SNCAIP: variants seen among roughly 807,000 people sequenced by gnomAD.
SNCAIP encodes the protein synphilin-1.
In SNCAIP, 43 loss-of-function variants were observed where a neutral mutation model predicts 86.7. The ratio of observed to expected loss-of-function variants is 0.50; its 90% CI spans 0.39 to 0.64. SNCAIP has a LOEUF of 0.64. Among genes scored for constraint, SNCAIP ranks in the 30% least tolerant of loss-of-function variants. SNCAIP has a pLI of 0.00. For synonymous variants in SNCAIP, 417 were observed against 427.2 expected, an observed-to-expected ratio of 0.98 and a Z score of 0.29; for missense variants, 981 against 1,103.1, an observed-to-expected ratio of 0.89 and a Z score of 1.57.
chr5:122,329,285 G>A (rs1478613504), intron 1 of SNCAIP, among the ~76,000 whole-genome samples: 3 of 147,256 alleles, frequency 2.0e-5, no homozygotes, highest in African/African-American at 2.5e-5. Context: ...AAAAAGATTT[G>A]AGTACAAGAT....
rs773311329 is a variant in SNCAIP at position 122,422,970 on chromosome 5, G to A, written c.233G>A (p.Arg78Gln). ...TACAGTAAGTTCCGCCCAGTGAAGC[G>A]GGTTTCGCCACTGAAACATCAGCCA... is the stretch of plus-strand genomic sequence containing the variant. ...DVYSKFRPVK[R>Q]VSPLKHQPET... The change falls in exon 4 of 11, where the codon CGG becomes CAG. Residue 78 changes from arginine (R) to glutamine (Q), a missense_variant. Transcript: ENST00000261368. The A allele has an allele frequency of 3.1e-6, 5 of 1,614,046 alleles. No homozygotes were observed. The Admixed American group carries it at 5.0e-5, about 16-fold the overall frequency.
intron 1 of SNCAIP, among the ~76,000 whole-genome samples, chr5:122,354,273 T>C (rs560281352): frequency 2.0e-5 from 3 of 152,348 alleles, no homozygotes; most frequent in Admixed American, 6.5e-5. Context: ...TTCCTACTTC[T>C]ACTTGTTGCA....
At chr5:122,377,652 T>G (rs1389187588) in intron 1 of SNCAIP, among the ~76,000 whole-genome samples, 1 of 151,312 alleles carries the variant, frequency 6.6e-6, no homozygotes, top group African/African-American at 2.4e-5. Flanking sequence ...ACTCGTCATC[T>G]AGCATTATGT....
At chr5:122,380,246 A>G in intron 1 of SNCAIP, among the ~76,000 whole-genome samples, 1 of 152,092 alleles carries the variant, frequency 6.6e-6, no homozygotes, top group Non-Finnish European at 1.5e-5. Flanking sequence ...CAGAGATTCA[A>G]CTTCTTCCTG....
chr5:122,375,001 A>G (rs1330211385), intron 1 of SNCAIP, among the ~76,000 whole-genome samples: 1 of 152,044 alleles, frequency 6.6e-6, no homozygotes, highest in African/African-American at 2.4e-5. Flanking sequence ...CATCATCTCT[A>G]CCCTAAGTGT....
At chr5:122,397,082 A>T (rs1268429830) in intron 2 of SNCAIP, among the ~76,000 whole-genome samples, 2 of 152,126 alleles carry the variant, frequency 1.3e-5, no homozygotes, top group Admixed American at 6.5e-5. Flanking sequence ...CACCTTAATG[A>T]AGGTACAGTC....
intron 10 of SNCAIP, among the ~76,000 whole-genome samples, chr5:122,454,148 A>T (rs1181925123): frequency 6.6e-6 from 1 of 152,324 alleles, no homozygotes; most frequent in Middle Eastern, 3.4e-3. Flanking sequence ...CAAAGCATGC[A>T]TGTGGGTAGG....
intron 1 of SNCAIP, among the ~76,000 whole-genome samples, chr5:122,358,862 A>G (rs184434679): frequency 2.6e-5 from 4 of 152,292 alleles, no homozygotes; most frequent in African/African-American, 7.2e-5. Context: ...ACCCTTATAA[A>G]TTGTTGCTAT....
At chr5:122,385,034 T>A (rs1360753813) in intron 1 of SNCAIP, among the ~76,000 whole-genome samples, 3 of 152,216 alleles carry the variant, frequency 2.0e-5, no homozygotes, top group African/African-American at 7.2e-5. Context: ...CTTCCTCCTG[T>A]CCCAACCACT....
chr5:122,382,468 C>G (rs1481236035), intron 1 of SNCAIP, among the ~76,000 whole-genome samples: 1 of 152,132 alleles, frequency 6.6e-6, no homozygotes, highest in African/African-American at 2.4e-5. Flanking sequence ...AAGTTTTCAA[C>G]TTCTTTGCCT....
chr5:122,359,658 C>T (rs998806630), intron 1 of SNCAIP, among the ~76,000 whole-genome samples: 4 of 152,122 alleles, frequency 2.6e-5, no homozygotes, highest in Non-Finnish European at 4.4e-5. Context: ...AGCCACCACA[C>T]CTGGCCACAA....
chr5:122,443,479 T>C, intron 7 of SNCAIP: 1 of 347,974 alleles, frequency 2.9e-6, no homozygotes, highest in South Asian at 2.3e-5. Context: ...ATTCCGTAAC[T>C]TTCTCCTTTC....
chr5:122,366,815 A>T (rs937185483), intron 1 of SNCAIP, among the ~76,000 whole-genome samples: 1 of 152,148 alleles, frequency 6.6e-6, no homozygotes, highest in South Asian at 2.1e-4. Context: ...AAGGTTTTCA[A>T]CAGGGAAGTG....
At chr5:122,395,252 C>T (rs1402257504) in intron 2 of SNCAIP, among the ~76,000 whole-genome samples, 1 of 152,160 alleles carries the variant, frequency 6.6e-6, no homozygotes, top group South Asian at 2.1e-4. Flanking sequence ...TATACACATA[C>T]ACTCACACAT....
intron 1 of SNCAIP, among the ~76,000 whole-genome samples, chr5:122,377,673 A>G (rs1348393637): frequency 4.1e-5 from 6 of 145,312 alleles, no homozygotes; most frequent in South Asian, 4.9e-4. Flanking sequence ...ATATCTCCCA[A>G]TGCTATCCCT....
At chr5:122,407,001 T>G (rs1181486310) in intron 3 of SNCAIP, among the ~76,000 whole-genome samples, 1 of 152,220 alleles carries the variant, frequency 6.6e-6, no homozygotes, top group African/African-American at 2.4e-5. Context: ...TCTCATTTAC[T>G]CTCTTATTTA....
chr5:122,450,411 A>G, intron 9 of SNCAIP, 122 bp from the exon 10 acceptor site: 2 of 795,918 alleles, frequency 2.5e-6, no homozygotes, highest in Non-Finnish European at 4.4e-6. Context: ...GAAATTATGT[A>G]CTTATCTGTA....
chr5:122,401,938 A>C (rs1204083133), intron 2 of SNCAIP, among the ~76,000 whole-genome samples: 1 of 152,220 alleles, frequency 6.6e-6, no homozygotes, highest in Non-Finnish European at 1.5e-5. Context: ...GTTAGGAAGC[A>C]TGTGCCTCGA....
intron 1 of SNCAIP, among the ~76,000 whole-genome samples, chr5:122,361,413 A>C (rs1346169618): frequency 3.0e-5 from 1 of 33,064 alleles, no homozygotes; most frequent in Non-Finnish European, 6.3e-5. Context: ...TTGCAATTTC[A>C]CTTCTAACCT....
Sources: allele counts gnomAD v4.1 joint callset (sites outside exome capture counted in the v4.1 genomes callset), GRCh38; gene constraint gnomAD v4.1.1; transcripts MANE v1.5; gene names NCBI Gene and HGNC (gene_info 2026-07-23, HGNC 2026-07-21).